PLCL1: variants seen among roughly 807,000 people sequenced by gnomAD.
PLCL1 encodes inactive phospholipase C-like protein 1.
PLCL1 carries 41 observed loss-of-function variants against 84.4 expected under a neutral mutation model. The observed-to-expected ratio is 0.49, with a 90% CI of 0.38 to 0.63. The LOEUF is 0.63. Among genes scored for constraint, PLCL1 ranks in the 30% least tolerant of loss-of-function variants. PLCL1 has a pLI of 0.00. For missense variants in PLCL1, 1,206 were observed against 1,367.8 expected, an observed-to-expected ratio of 0.88 and a Z score of 1.87; for synonymous variants, 490 against 488.3, an observed-to-expected ratio of 1.00 and a Z score of -0.05.
chr2:198,043,280 G>A lies in PLCL1; in HGVS notation c.241-40478G>A, dbSNP rs1691708050. On this transcript the variant is annotated intron_variant, in intron 1 of 5. Transcript: ENST00000428675. ...AGAGAAAGTTAAAGAAATGTGTAAT[G>A]TTGGAGAAAGACTTTAGTTTCAGGA... 5.3e-5 allele frequency among the ~76,000 whole-genome samples: 8 copies of A among 152,304 alleles called. No individual in the cohort carries two copies. The South Asian group carries it at 1.7e-3, about 32-fold the overall frequency.
intron 1 of PLCL1, among the ~76,000 whole-genome samples, chr2:197,989,523 G>A (rs1690292945): frequency 6.6e-6 from 1 of 152,108 alleles, no homozygotes; most frequent in Non-Finnish European, 1.5e-5. Context: ...ATTTCAAAGA[G>A]ATGGTTTCCA....
At chr2:197,926,996 C>T (rs1438673149) in intron 1 of PLCL1, among the ~76,000 whole-genome samples, 2 of 152,162 alleles carry the variant, frequency 1.3e-5, no homozygotes, top group East Asian at 1.9e-4. Flanking sequence ...AGTGCCTACA[C>T]GTTGCTTCTT....
chr2:197,913,917 C>T (rs1044650122), intron 1 of PLCL1, among the ~76,000 whole-genome samples: 8 of 151,982 alleles, frequency 5.3e-5, no homozygotes, highest in Non-Finnish European at 1.2e-4. Context: ...TCACCCATCT[C>T]GAATATACAT....
chr2:198,104,121 G>C (rs1202859177), intron 5 of PLCL1, among the ~76,000 whole-genome samples, 185 bp downstream of exon 5: 1 of 151,816 alleles, frequency 6.6e-6, no homozygotes, highest in Non-Finnish European at 1.5e-5. Context: ...CTGGAGTGCA[G>C]ATTATTTTGT....
At chr2:198,139,566 T>C (rs991028133) in intron 5 of PLCL1, among the ~76,000 whole-genome samples, 19 of 152,212 alleles carry the variant, frequency 1.2e-4, no homozygotes, top group Non-Finnish European at 1.3e-4. Context: ...CCATTCCCTT[T>C]TTCTCCTTTA....
intron 1 of PLCL1, among the ~76,000 whole-genome samples, chr2:197,811,231 C>G (rs368474200): frequency 6.6e-6 from 1 of 152,204 alleles, no homozygotes; most frequent in Non-Finnish European, 1.5e-5. Context: ...AAACGGCCAA[C>G]TTCTGTAACA....
At chr2:198,140,975 T>C (rs1174068176) in intron 5 of PLCL1, among the ~76,000 whole-genome samples, 1 of 152,152 alleles carries the variant, frequency 6.6e-6, no homozygotes, top group Non-Finnish European at 1.5e-5. Context: ...GGTGAGCATG[T>C]CCAGTGTAAT....
Position 198,083,970 on chromosome 2 carries a change from A to G in PLCL1, c.453A>G (p.Lys151=). The G allele has an allele frequency of 1.2e-6, 2 of 1,614,172 alleles. No homozygotes were observed. Among genetic ancestry groups the G allele is most frequent in the Non-Finnish European group, 1.7e-6 (2 of 1,179,996 alleles). ...LQALRWEPSK[K]DLEKAKLDIS... The stretch of plus-strand genomic sequence containing the variant: ...CTCTTCGCTGGGAACCTTCAAAGAA[A>G]GACCTCGAGAAAGCCAAGCTTGATA... Residue 151 remains lysine (K), a synonymous_variant, in exon 2 of 6, where the codon AAA becomes AAG. Coordinates refer to ENST00000428675, the MANE Select transcript of PLCL1 (RefSeq NM_006226.4).
chr2:198,101,200 A>G (rs546067734), intron 3 of PLCL1, 85 bp from the exon 4 acceptor site: 3 of 782,554 alleles, frequency 3.8e-6, no homozygotes, highest in African/African-American at 1.7e-5. Context: ...TGGAGGTATC[A>G]TGTGGGTCTC....
At chr2:197,823,850 C>G (rs1006022623) in intron 1 of PLCL1, among the ~76,000 whole-genome samples, 5 of 152,106 alleles carry the variant, frequency 3.3e-5, no homozygotes, top group South Asian at 4.1e-4. Flanking sequence ...GTAAACCACT[C>G]CTCAGTATGT....
chr2:197,982,629 G>A (rs964475720), intron 1 of PLCL1, among the ~76,000 whole-genome samples: 7 of 152,128 alleles, frequency 4.6e-5, no homozygotes, highest in African/African-American at 1.7e-4. Context: ...TCAGTTATGG[G>A]TGCACTTACA....
At chr2:198,009,172 C>T (rs1234444766) in intron 1 of PLCL1, among the ~76,000 whole-genome samples, 8 of 151,834 alleles carry the variant, frequency 5.3e-5, no homozygotes, top group Non-Finnish European at 1.2e-4. Context: ...TTTCCTTTGA[C>T]ATGAAAAAGT....
intron 5 of PLCL1, among the ~76,000 whole-genome samples, chr2:198,123,214 A>G (rs1041251140): frequency 1.3e-5 from 2 of 152,096 alleles, no homozygotes; most frequent in Non-Finnish European, 2.9e-5. Context: ...CAATAGGCAA[A>G]CTATCCCTCA....
At chr2:197,995,719 TA>T (rs1219745760) in intron 1 of PLCL1, among the ~76,000 whole-genome samples, 2 of 152,304 alleles carry the variant, frequency 1.3e-5, no homozygotes, top group Non-Finnish European at 2.9e-5. Flanking sequence ...GCATACATTT[TA>T]AATTCATGCC....
intron 1 of PLCL1, among the ~76,000 whole-genome samples, chr2:197,849,143 C>A (rs1056772176): frequency 1.3e-5 from 2 of 152,106 alleles, no homozygotes; most frequent in African/African-American, 4.8e-5. Flanking sequence ...CTTCTTTAAT[C>A]CCTGGGTGGA....
intron 1 of PLCL1, among the ~76,000 whole-genome samples, chr2:198,011,505 T>G (rs1690867435): frequency 6.6e-6 from 1 of 152,124 alleles, no homozygotes; most frequent in Non-Finnish European, 1.5e-5. Context: ...TTCTTAAATT[T>G]GTTAAGATTT....
chr2:197,864,210 C>G (rs1687484691), intron 1 of PLCL1, among the ~76,000 whole-genome samples: 1 of 152,142 alleles, frequency 6.6e-6, no homozygotes, highest in African/African-American at 2.4e-5. Context: ...AAGTCTTCTA[C>G]TGTCCCCTGC....
intron 1 of PLCL1, among the ~76,000 whole-genome samples, chr2:198,061,384 C>T (rs1692195475): frequency 6.6e-6 from 1 of 152,066 alleles, no homozygotes; most frequent in Non-Finnish European, 1.5e-5. Flanking sequence ...GTACTACCTA[C>T]ACATTATAAA....
rs532957115 is a variant in PLCL1, at chr2:198,103,840, T to G, written c.3009T>G (p.His1003Gln). 6.3e-7 allele frequency: 1 copy of G among 1,595,298 alleles called. No homozygotes were observed. Among genetic ancestry groups the G allele is most frequent in the Non-Finnish European group, 8.6e-7 (1 of 1,167,116 alleles). ...CTTTCTTCAAAGGGATGGAGTTCCATGAAGAACTTCATAATTTGGGGGCAA... is the reference window on the plus strand; with the variant it reads ...CTTTCTTCAAAGGGATGGAGTTCCAGGAAGAACTTCATAATTTGGGGGCAA... ...VQCQKAGMEF[H>Q]EELHNLGAKE... Residue 1003 changes from histidine to glutamine, a missense_variant, in exon 5 of 6, where the codon CAT (histidine) becomes CAG (glutamine). Coordinates refer to ENST00000428675, the MANE Select transcript of PLCL1 (RefSeq NM_006226.4).
Sources: gnomAD v4.1 joint callset for allele counts (sites outside exome capture counted in the v4.1 genomes callset) on GRCh38, gnomAD v4.1.1 for gene constraint, MANE v1.5 for transcripts, NCBI Gene and HGNC (gene_info 2026-07-23, HGNC 2026-07-21) for gene names.